Variants in ARSF observed in about 807,000 individuals in gnomAD.
The protein encoded by ARSF is arylsulfatase F.
ARSF carries 33 observed loss-of-function variants against 35.4 expected under a neutral mutation model. The observed-to-expected ratio is 0.93, with a 90% confidence interval of 0.71 to 1.25. The LOEUF (loss-of-function observed/expected upper bound fraction) is 1.25, where lower values mean the gene tolerates loss of function less well. Among genes scored for constraint, ARSF ranks in the 50% most tolerant of loss-of-function variants. The probability of loss-of-function intolerance (pLI) is 0.00; values close to 1 mark genes in which losing one functional copy is unlikely to be tolerated. For synonymous variants in ARSF, 222 were observed against 193.1 expected, an observed-to-expected ratio of 1.15 and a Z score of -1.24; for missense variants, 501 against 480.2, an observed-to-expected ratio of 1.04 and a Z score of -0.40.
intron 1 of ARSF, among the ~76,000 whole-genome samples, chrX:3,057,253 T>C (rs780591004): frequency 8.9e-6 from 1 of 112,516 alleles, no homozygotes; most frequent in African/African-American, 3.2e-5. Flanking sequence ...GCAAGAATTA[T>C]CTGTTGCATC....
intron 7 of ARSF, among the ~76,000 whole-genome samples, chrX:3,098,051 C>CAT: frequency 1.0e-5 from 1 of 98,753 alleles, no homozygotes; most frequent in Middle Eastern, 4.9e-3. Context: ...ACACACAACA[C>CAT]ACACACACAC....
At chrX:3,095,863 G>C (rs1478897021) in intron 7 of ARSF, among the ~76,000 whole-genome samples, 1 of 109,133 alleles carries the variant, frequency 9.2e-6, no homozygotes, top group Non-Finnish European at 1.9e-5. Flanking sequence ...ATGCTTTCTA[G>C]TATTACCTAA....
chrX:3,111,784 A>G (rs773687474), intron 10 of ARSF, among the ~76,000 whole-genome samples: 14 of 109,365 alleles, frequency 1.3e-4, no homozygotes, highest in Non-Finnish European at 2.7e-4. Flanking sequence ...TCCTGCAACT[A>G]GATGGTCCCA....
chrX:3,074,554 C>T (rs1034872753), intron 3 of ARSF, among the ~76,000 whole-genome samples: 5 of 111,109 alleles, frequency 4.5e-5, no homozygotes, highest in Non-Finnish European at 9.4e-5. Flanking sequence ...TTTTAATTGA[C>T]GAATTATAGT....
At chrX:3,103,146 G>C (rs1311046715) in intron 8 of ARSF, among the ~76,000 whole-genome samples, 2 of 111,186 alleles carry the variant, frequency 1.8e-5, no homozygotes, top group East Asian at 2.8e-4. Context: ...TATTCCATTT[G>C]TTTTCAAGGT....
chrX:3,056,485 A>T (rs2090018934), intron 1 of ARSF, among the ~76,000 whole-genome samples: 1 of 110,497 alleles, frequency 9.1e-6, no homozygotes. Flanking sequence ...CCTGTTGGCC[A>T]GGCTGGTCTC....
chrX:3,094,319 T>C (rs1477916783), intron 7 of ARSF, among the ~76,000 whole-genome samples: 2 of 111,842 alleles, frequency 1.8e-5, no homozygotes, highest in African/African-American at 6.5e-5. Context: ...TGTTGAATGA[T>C]GAGGAAGGAG....
intron 7 of ARSF, among the ~76,000 whole-genome samples, chrX:3,090,255 G>A (rs1245398420): frequency 8.9e-6 from 1 of 111,986 alleles, no homozygotes; most frequent in East Asian, 2.8e-4. Context: ...CTATAGTGAA[G>A]CAAATAGTAA....
chrX:3,083,556 ACTCTAT>A (rs1484858793), intron 5 of ARSF, among the ~76,000 whole-genome samples: 1 of 106,030 alleles, frequency 9.4e-6, no homozygotes, highest in African/African-American at 3.5e-5. Flanking sequence ...CCAACCACTC[ACTCTAT>A]CTCTATCATC....
Position 3,112,391 on chromosome X carries a change from C to T in ARSF, c.1608C>T (p.Asn536=), listed in dbSNP as rs769190030. Residue 536 remains asparagine, a synonymous_variant, in exon 11 of 11, where the codon AAC becomes AAT. Coordinates refer to ENST00000381127, the MANE Select transcript of ARSF (RefSeq NM_001201539.2). ...ATTTTGTGATTAAAAAGGTGGCCAA[C>T]GCCCTGAAGGAACACCAGGAAACCA... ...LHDFVIKKVA[N]ALKEHQETIV... The T allele has an allele frequency of 1.7e-5, 20 of 1,209,287 alleles. No homozygotes were observed. The South Asian group carries it at 2.1e-4, about 13-fold the overall frequency.
chrX:3,054,679 A>G (rs1293014014), intron 1 of ARSF, among the ~76,000 whole-genome samples: 1 of 110,025 alleles, frequency 9.1e-6, no homozygotes, highest in African/African-American at 3.3e-5. Context: ...AGCATTCATG[A>G]AAGTTTAGAT....
intron 1 of ARSF, among the ~76,000 whole-genome samples, chrX:3,067,151 A>T (rs2090071520): frequency 2.1e-5 from 2 of 93,254 alleles, no homozygotes; most frequent in Non-Finnish European, 4.2e-5. Flanking sequence ...TGTGTGTGTG[A>T]GTGTGCGTGC....
At position 3,087,111 on chromosome X, in the gene ARSF, G is replaced by T. The variant is rs766923905; in HGVS notation, c.831-2385G>T. On this transcript the variant is annotated intron_variant, in intron 6 of 10. Coordinates refer to ENST00000381127, the MANE Select transcript of ARSF (RefSeq NM_001201539.2). ...CACTGGACCTACCCAGATAACCCAG[G>T]ATAATCACTTTGTCTCATGATCCTT... Among the ~76,000 whole-genome samples the T allele has an allele frequency of 2.7e-5, 3 of 111,421 alleles. No individual in the cohort carries two copies. The South Asian group carries it at 1.1e-3, about 42-fold the overall frequency.
chrX:3,040,870 G>T (rs1274121353), upstream of ARSF, among the ~76,000 whole-genome samples: 1 of 111,440 alleles, frequency 9.0e-6, no homozygotes, highest in African/African-American at 3.3e-5. Context: ...GAAAGACTCA[G>T]TGGTGACACA....
intron 7 of ARSF, among the ~76,000 whole-genome samples, chrX:3,093,755 G>A (rs1277817013): frequency 2.7e-5 from 3 of 111,829 alleles, no homozygotes; most frequent in Non-Finnish European, 5.6e-5. Context: ...TAGACACCCA[G>A]TAATGGCATT....
Position 3,065,211 on chromosome X carries a change from C to A in ARSF, c.-28-2862C>A, listed in dbSNP as rs775994124. On this transcript the variant is annotated intron_variant, in intron 1 of 10. Coordinates refer to ENST00000381127, the MANE Select transcript of ARSF (RefSeq NM_001201539.2). ...CAGAAAACCAAACACTGCATGTTCT[C>A]ACTCATAGGTGGTAATTGAACAATG... Among the ~76,000 whole-genome samples, 4 of 104,064 alleles carry A rather than the reference C, an allele frequency of 3.8e-5. No individual in the cohort carries two copies. In the East Asian group the frequency reaches 1.2e-3, roughly 32 times the overall value. 90.4% of individuals were successfully genotyped at this position (104,064 alleles called of 115,157 possible).
chrX:3,040,593 C>T (rs370654057), upstream of ARSF, among the ~76,000 whole-genome samples: 1 of 110,879 alleles, frequency 9.0e-6, no homozygotes, highest in South Asian at 3.9e-4. Flanking sequence ...AATTGCCAAA[C>T]GAGAGGCTGA....
At position 3,084,664 on chromosome X, in the gene ARSF, A is replaced by G. The variant is rs762311704; in HGVS notation, c.828A>G (p.Glu276=). 3 of 1,158,085 alleles carry G rather than the reference A, an allele frequency of 2.6e-6. No individual in the cohort carries two copies. The East Asian group carries it at 9.0e-5, about 35-fold the overall frequency. Residue 276 remains glutamate (E), a splice_region_variant and synonymous_variant, in exon 6 of 11, where the codon GAA becomes GAG. Coordinates refer to ENST00000381127, the MANE Select transcript of ARSF (RefSeq NM_001201539.2). Reference sequence around the variant, plus strand: ...TGAAGGAAGCGATTTCCTTTTTAGAAAGGTAAGCGGAATAATTACAAATTC... The same window carrying G: ...TGAAGGAAGCGATTTCCTTTTTAGAGAGGTAAGCGGAATAATTACAAATTC... ...IMVKEAISFL[E]RHSKETFLLF... is the part of the protein sequence containing the mutation.
At position 3,068,834 on chromosome X, in the gene ARSF, T is replaced by C. The variant is rs182358243; in HGVS notation, c.11+723T>C. 5.3e-5 allele frequency among the ~76,000 whole-genome samples: 6 copies of C among 112,258 alleles called. No homozygotes were observed. In the East Asian group the frequency reaches 1.7e-3, roughly 31 times the overall value. Reference sequence around the variant, plus strand: ...ACTTCGGGGATTTGGCCCACAGTCCTGAGCATGTAGCTTTTGCCTGCAAGA... The same window carrying C: ...ACTTCGGGGATTTGGCCCACAGTCCCGAGCATGTAGCTTTTGCCTGCAAGA... On this transcript the variant is annotated intron_variant, in intron 2 of 10. Transcript: ENST00000381127.
Sources: gnomAD v4.1 joint callset for allele counts (sites outside exome capture counted in the v4.1 genomes callset) on GRCh38, gnomAD v4.1.1 for gene constraint, MANE v1.5 for transcripts, NCBI Gene and HGNC (gene_info 2026-07-23, HGNC 2026-07-21) for gene names.